The following DTX4 variants were observed in gnomAD, a reference collection of about 807,000 sequenced individuals.
The protein encoded by DTX4 is deltex E3 ubiquitin ligase 4, also known as E3 ubiquitin-protein ligase DTX4.
Under a neutral mutation model 57.6 loss-of-function variants are expected in DTX4, and 28 were observed. The ratio of observed to expected loss-of-function variants is 0.49; its 90% CI spans 0.36 to 0.67. The LOEUF is 0.67. Among genes scored for constraint, DTX4 ranks in the 30% least tolerant of loss-of-function variants. DTX4 has a pLI of 0.00. For synonymous variants in DTX4, 316 were observed against 331.0 expected, an observed-to-expected ratio of 0.95 and a Z score of 0.49; for missense variants, 715 against 836.8, an observed-to-expected ratio of 0.85 and a Z score of 1.80.
chr11:59,204,869 AG>A lies in DTX4; in HGVS notation c.1823del (p.Gly608AlafsTer31). 1 of 1,598,362 alleles carries A rather than the reference AG, an allele frequency of 6.3e-7. No individual in the cohort carries two copies. Among genetic ancestry groups the A allele is most frequent in the Non-Finnish European group, 8.5e-7 (1 of 1,172,036 alleles). ...AATGTGCTGGCTGAACTGGCTGCCC[AG>A]GGCATCTCTGAGGACAGCACTGCCC... ...LDNVLAELAA[Q>X]GISEDSTAQE... On this transcript the variant is annotated frameshift_variant, in exon 9 of 9. Coordinates refer to ENST00000227451, the MANE Select transcript of DTX4 (RefSeq NM_015177.2). LOFTEE classifies it high-confidence loss of function.
At chr11:59,175,174 C>T (rs891545901) in intron 1 of DTX4, among the ~76,000 whole-genome samples, 1 of 152,220 alleles carries the variant, frequency 6.6e-6, no homozygotes, top group African/African-American at 2.4e-5. Context: ...CAGCTAAGCC[C>T]TTGCAATGTT....
Position 59,192,256 on chromosome 11 carries a change from T to C in DTX4, c.1374+6T>C. On this transcript the variant is annotated splice_donor_region_variant and intron_variant, in intron 6 of 8. Transcript: ENST00000227451. ...TGTACAACAATGGGAACAAGGTCAG[T>C]GCCAGCCTATGGGGCTCCTGCCACC... 2 of 1,613,864 alleles carry C rather than the reference T, an allele frequency of 1.2e-6. No individual in the cohort carries two copies. Among genetic ancestry groups the C allele is most frequent in the Middle Eastern group, 1.7e-4 (1 of 6,060 alleles).
At chr11:59,203,229 C>G (rs10896951) in intron 8 of DTX4, among the ~76,000 whole-genome samples, 5,956 of 152,264 alleles carry the variant, frequency 0.039, 232 homozygotes, top group East Asian at 0.095. Context: ...ATAAACTAAC[C>G]TTAGCTTATT....
At chr11:59,193,501 A>G (rs1019364619) in intron 6 of DTX4, among the ~76,000 whole-genome samples, 1 of 152,152 alleles carries the variant, frequency 6.6e-6, no homozygotes, top group Non-Finnish European at 1.5e-5. Flanking sequence ...AAAAGGATTC[A>G]TTGGGATCTT....
In DTX4 at chr11:59,172,599, C is replaced by A; in HGVS notation, c.4C>A (p.Leu2Ile). M[L>I]LASAVVVWEW... is the part of the protein sequence containing the mutation. ...GCGCCGCAGCCCCGGGCTCGCCATG[C>A]TCCTGGCCTCGGCCGTGGTGGTCTG... The change falls in exon 1 of 9, where the codon CTC becomes ATC. Residue 2 changes from leucine to isoleucine, a missense_variant. Physicochemically the swap from Leu to Ile is conservative, Grantham distance 5 (BLOSUM62 2). Transcript: ENST00000227451. The A allele has an allele frequency of 6.5e-7, 1 of 1,534,260 alleles. No individual in the cohort carries two copies.
intron 1 of DTX4, among the ~76,000 whole-genome samples, chr11:59,176,126 A>G (rs7950670): frequency 0.44 from 66,125 of 151,908 alleles, 16,416 homozygotes; most frequent in African/African-American, 0.68. Context: ...GAGAAAGAGC[A>G]TGGGCTGAAT....
intron 7 of DTX4, among the ~76,000 whole-genome samples, chr11:59,198,367 G>C (rs1862700177): frequency 6.6e-6 from 1 of 152,178 alleles, no homozygotes; most frequent in African/African-American, 2.4e-5. Flanking sequence ...CTGGGGCCAT[G>C]GGAAGGTTGT....
chr11:59,186,957 C>T (rs1181411257), intron 2 of DTX4, among the ~76,000 whole-genome samples: 2 of 152,192 alleles, frequency 1.3e-5, no homozygotes, highest in African/African-American at 4.8e-5. Flanking sequence ...CACATCTGTT[C>T]TTTCACATCC....
chr11:59,172,555 C>A lies in DTX4; in HGVS notation c.-41C>A. ...GCGGAGGAGGTCGGGCGCTCGGGGC[C>A]CGGGAGGCGGGCCGCGCAGCGCCGC... On this transcript the variant is annotated 5_prime_UTR_variant, in exon 1 of 9. Transcript: ENST00000227451. The A allele has an allele frequency of 3.1e-6, 4 of 1,295,460 alleles. No homozygotes were observed. Among genetic ancestry groups the A allele is most frequent in the Non-Finnish European group, 3.9e-6 (4 of 1,017,840 alleles). The allele number at this position is 1,295,460 out of a possible 1,614,324, so 80.2% of individuals were successfully genotyped here.
chr11:59,174,327 G>A (rs1189491207), intron 1 of DTX4, among the ~76,000 whole-genome samples: 1 of 151,946 alleles, frequency 6.6e-6, no homozygotes, highest in African/African-American at 2.4e-5. Flanking sequence ...GGCTGAGGGG[G>A]AGGGAGAGAA....
Position 59,182,027 on chromosome 11 carries a change from C to A in DTX4, c.500C>A (p.Thr167Asn). The A allele has an allele frequency of 1.9e-6, 3 of 1,613,594 alleles. No homozygotes were observed. The highest frequency in any genetic ancestry group is 1.1e-5 in the South Asian group (1 of 91,008). Residue 167 changes from threonine to asparagine, a missense_variant, in exon 2 of 9, where the codon ACC (threonine) becomes AAC (asparagine). Coordinates refer to ENST00000227451, the MANE Select transcript of DTX4 (RefSeq NM_015177.2). ...LDLIYPMVTGTLPKAQSWPVS... is the reference protein window; with the variant it reads ...LDLIYPMVTGNLPKAQSWPVS... ...CTCATCTACCCCATGGTCACAGGGACCTTGCCTAAGGCTCAGTCCTGGCCA... is the reference window on the plus strand; with the variant it reads ...CTCATCTACCCCATGGTCACAGGGAACTTGCCTAAGGCTCAGTCCTGGCCA...
rs751061463 is a variant in DTX4, at chr11:59,195,358, C to A, written c.1525C>A (p.Pro509Thr). The A allele has an allele frequency of 4.4e-6, 7 of 1,605,458 alleles. No homozygotes were observed. The highest frequency in any genetic ancestry group is 3.3e-4 in the Middle Eastern group (2 of 6,018). ...CATCCGGATCATCTACAGCATCCCC[C>A]CCGGCATTCAGGTGAGCCTTTCTCT... is the stretch of plus-strand genomic sequence containing the variant. ...KTIRIIYSIP[P>T]GIQGPEHPNP... The change falls in exon 7 of 9, where the codon CCC becomes ACC. Residue 509 changes from proline to threonine, a missense_variant. By Grantham distance (38) the Pro-to-Thr change is conservative. Coordinates refer to ENST00000227451, the MANE Select transcript of DTX4 (RefSeq NM_015177.2).
Position 59,204,858 on chromosome 11 carries a change from A to G in DTX4, c.1809A>G (p.Glu603=), listed in dbSNP as rs755069431. 1.1e-5 allele frequency: 17 copies of G among 1,603,492 alleles called. No homozygotes were observed. The highest frequency in any genetic ancestry group is 1.4e-5 in the Non-Finnish European group (17 of 1,174,814). Residue 603 remains glutamate (E), a synonymous_variant, in exon 9 of 9, where the codon GAA becomes GAG. Transcript: ENST00000227451. Reference sequence around the variant, plus strand: ...ATTACCTGGATAATGTGCTGGCTGAACTGGCTGCCCAGGGCATCTCTGAGG... The same window carrying G: ...ATTACCTGGATAATGTGCTGGCTGAGCTGGCTGCCCAGGGCATCTCTGAGG... ...DANYLDNVLA[E]LAAQGISEDS...
chr11:59,183,257 C>A (rs901205418), intron 2 of DTX4, among the ~76,000 whole-genome samples: 1 of 152,168 alleles, frequency 6.6e-6, no homozygotes, highest in Non-Finnish European at 1.5e-5. Flanking sequence ...GAGTTTCTTT[C>A]CCGTAGTCTC....
intron 6 of DTX4, among the ~76,000 whole-genome samples, chr11:59,194,225 G>A (rs748191966): frequency 3.9e-5 from 6 of 152,058 alleles, no homozygotes; most frequent in Non-Finnish European, 8.8e-5. Context: ...TACAAAAAGG[G>A]GCTAATAATT....
chr11:59,188,696 G>A lies in DTX4; in HGVS notation c.936-39G>A, dbSNP rs376798769. On this transcript the variant is annotated intron_variant, in intron 2 of 8. Coordinates refer to ENST00000227451, the MANE Select transcript of DTX4 (RefSeq NM_015177.2). ...TAAATACTGGTCCATTTTGTTCCAC[G>A]TGTCAAAATGACATTGTATCTGCTC... 3.5e-5 allele frequency: 55 copies of A among 1,559,490 alleles called. No individual in the cohort carries two copies. The South Asian group carries it at 3.7e-4, about 10-fold the overall frequency.
At chr11:59,191,363 C>T (rs1290271521) in intron 5 of DTX4, among the ~76,000 whole-genome samples, 188 bp downstream of exon 5, 2 of 152,190 alleles carry the variant, frequency 1.3e-5, no homozygotes, top group East Asian at 3.8e-4. Flanking sequence ...CTCAATCTCT[C>T]CCGCCTCCCC....
chr11:59,205,104 C>T lies in DTX4; in HGVS notation c.*195C>T, dbSNP rs1862789093. On this transcript the variant is annotated 3_prime_UTR_variant, in exon 9 of 9. Coordinates refer to ENST00000227451, the MANE Select transcript of DTX4 (RefSeq NM_015177.2). ...ATATAGCGACATCATTCATAAATCT[C>T]ATCCAACACAAAGGGAGATGGGATG... 1.7e-6 allele frequency: 1 copy of T among 578,708 alleles called. No homozygotes were observed. Among genetic ancestry groups the T allele is most frequent in the Non-Finnish European group, 3.1e-6 (1 of 325,442 alleles). 35.8% of individuals were successfully genotyped at this position (578,708 alleles called of 1,614,324 possible).
At chr11:59,180,674 G>C (rs1370555486) in intron 1 of DTX4, among the ~76,000 whole-genome samples, 2 of 152,096 alleles carry the variant, frequency 1.3e-5, no homozygotes, top group Admixed American at 1.3e-4. Context: ...TAGCCTTAAT[G>C]TTGACACCAT....
Sources: gnomAD v4.1 joint callset for allele counts (sites outside exome capture counted in the v4.1 genomes callset) on GRCh38, gnomAD v4.1.1 for gene constraint, MANE v1.5 for transcripts, NCBI Gene and HGNC (gene_info 2026-07-23, HGNC 2026-07-21) for gene names.